The following SFPQ variants were observed in gnomAD, a reference collection of about 807,000 sequenced individuals.
SFPQ encodes the protein splicing factor, proline- and glutamine-rich.
SFPQ carries 11 observed loss-of-function variants against 72.9 expected under a neutral mutation model. That is an observed-to-expected ratio of 0.15 (90% CI 0.09 to 0.25). SFPQ has a LOEUF of 0.25. SFPQ is among the 10% of genes least tolerant of loss of function. The pLI, the probability that SFPQ is intolerant of heterozygous loss-of-function variation, is 1.00. For missense variants in SFPQ, 847 were observed against 993.3 expected (o/e 0.85, Z 1.98); for synonymous variants, 506 against 367.3 (o/e 1.38, Z -4.32).
chr1:35,181,003 T>C (rs937817972), downstream of SFPQ: 1 of 1,065,268 alleles, frequency 9.4e-7, no homozygotes, highest in Non-Finnish European at 1.1e-6. Context: ...ACAGTTTTGA[T>C]GTAAGCTAGC....
At chr1:35,179,560 C>A, downstream of SFPQ, 1 of 1,052,748 alleles carries the variant, frequency 9.5e-7, no homozygotes, top group South Asian at 4.6e-5. Flanking sequence ...TAATTCCCAG[C>A]TTTTTGAGTT....
rs1557804600 is a variant in SFPQ at position 35,189,007 on chromosome 1, A to G, written c.1693T>C (p.Leu565=). The change falls in exon 6 of 10, where the codon TTG becomes CTG. Residue 565 remains leucine (L), a synonymous_variant. Transcript: ENST00000357214. ...AAACCTTAAACACAATTTTACCTCA[A>G]TTGCATTTCTTTACGTTTCTGCATT... ...QEMQKRKEMQ[L]RQEEERRRRE... The G allele has an allele frequency of 6.2e-7, 1 of 1,609,706 alleles. No homozygotes were observed.
Position 35,187,097 on chromosome 1 carries a change from T to C in SFPQ, c.1890A>G (p.Lys630=). ...MGDPYGSGGQ[K]FPPLGGGGGI... Reference sequence around the variant, plus strand: ...CACCACCACCTCCTAGAGGTGGAAATTTCTGGCCTCCTGAACCATAGGGAT... The same window carrying C: ...CACCACCACCTCCTAGAGGTGGAAACTTCTGGCCTCCTGAACCATAGGGAT... Residue 630 remains lysine (K), a synonymous_variant, in exon 9 of 10, where the codon AAA becomes AAG. Coordinates refer to ENST00000357214, the MANE Select transcript of SFPQ (RefSeq NM_005066.3). 1.9e-6 allele frequency: 3 copies of C among 1,614,006 alleles called. No homozygotes were observed. The highest frequency in any genetic ancestry group is 2.5e-6 in the Non-Finnish European group (3 of 1,179,930).
At chr1:35,177,823 C>T (rs1639310274) in intron 4 of SFPQ, among the ~76,000 whole-genome samples, 1 of 152,150 alleles carries the variant, frequency 6.6e-6, no homozygotes, top group Admixed American at 6.5e-5. Context: ...ATGCCTCTCA[C>T]TTGCTTTCTC....
At chr1:35,180,682 C>T, downstream of SFPQ, 1 of 1,055,584 alleles carries the variant, frequency 9.5e-7, no homozygotes, top group Non-Finnish European at 1.1e-6. Context: ...TGTAGAATTA[C>T]CAAGATTGCA....
In SFPQ at chr1:35,193,063, G is replaced by A. The variant is rs900764118; in HGVS notation, c.-14C>T. On this transcript the variant is annotated 5_prime_UTR_variant, in exon 1 of 10. Coordinates refer to ENST00000357214, the MANE Select transcript of SFPQ (RefSeq NM_005066.3). ...ATCCCGAGACATGTCTGTGGTCAAG[G>A]GGCGGTCGAGGCAAAAGCGAAGAAG... 6.5e-7 allele frequency: 1 copy of A among 1,543,836 alleles called. No homozygotes were observed. The highest frequency in any genetic ancestry group is 8.7e-7 in the Non-Finnish European group (1 of 1,155,652).
chr1:35,180,638 AC>A (rs755830205), downstream of SFPQ: 8 of 1,052,594 alleles, frequency 7.6e-6, no homozygotes, highest in Non-Finnish European at 9.2e-6. Flanking sequence ...AAATCGCATT[AC>A]AAAAAAACCT....
downstream of SFPQ, chr1:35,179,862 G>C (rs570465562): frequency 3.1e-5 from 33 of 1,053,614 alleles, no homozygotes; most frequent in African/African-American, 5.3e-4. Context: ...ACTGGCCACC[G>C]ATTTAATGGA....
At chr1:35,184,839 G>A (rs559960662) in intron 9 of SFPQ, among the ~76,000 whole-genome samples, 1 of 152,300 alleles carries the variant, frequency 6.6e-6, no homozygotes, top group East Asian at 1.9e-4. Flanking sequence ...GATCTTCCCT[G>A]TAGTGCTAAA....
downstream of SFPQ, chr1:35,181,782 G>A (rs1639479288): frequency 2.0e-6 from 2 of 985,138 alleles, no homozygotes; most frequent in Non-Finnish European, 2.4e-6. Context: ...TCGACTTTTA[G>A]GAAACTATTA....
downstream of SFPQ, chr1:35,179,320 T>C: frequency 9.4e-7 from 1 of 1,058,780 alleles, no homozygotes; most frequent in Non-Finnish European, 1.1e-6. Flanking sequence ...AAAGTGAGAC[T>C]ATTATGCATT....
In SFPQ at chr1:35,192,471, G is replaced by A. The variant is rs1437533660; in HGVS notation, c.579C>T (p.Gly193=). The part of the protein sequence containing the change: ...GPPPPPAAVP[G]PGPGPKQGPG... ...GGCCCTGCTTAGGCCCTGGACCCGG[G>A]CCCGGGACTGCCGCGGGCGGAGGCG... The change falls in exon 1 of 10, where the codon GGC becomes GGT. Residue 193 remains glycine, a synonymous_variant. Coordinates refer to ENST00000357214, the MANE Select transcript of SFPQ (RefSeq NM_005066.3). The A allele has an allele frequency of 7.5e-7, 1 of 1,338,862 alleles. No individual in the cohort carries two copies. The highest frequency in any genetic ancestry group is 3.1e-5 in the East Asian group (1 of 32,116). The allele number at this position is 1,338,862 out of a possible 1,614,324, so 82.9% of individuals were successfully genotyped here. A position where few individuals can be genotyped will look rare whatever the true frequency, so the allele number is the denominator to read the frequency against.
Position 35,192,593 on chromosome 1 carries a change from G to T in SFPQ, c.457C>A (p.Pro153Thr). Residue 153 changes from proline to threonine, a missense_variant, in exon 1 of 10, where the codon CCG becomes ACG. Pro to Thr is a conservative substitution (Grantham distance 38). Around this residue, in one of 6 missense-constraint regions of SFPQ, gnomAD observed 498 missense variants for 405.1 expected, o/e 1.23. Coordinates refer to ENST00000357214, the MANE Select transcript of SFPQ (RefSeq NM_005066.3). ...PGSGPGPTPT[P>T]PPAVTSAPPG... ...GGGGCCGAGGTGACTGCAGGCGGCG[G>T]GGTCGGAGTCGGGCCTGGCCCGGAC... The T allele has an allele frequency of 7.5e-7, 1 of 1,340,018 alleles. No individual in the cohort carries two copies. The highest frequency in any genetic ancestry group is 1.9e-5 in the South Asian group (1 of 51,966). The allele number at this position is 1,340,018 out of a possible 1,614,324, so 83.0% of individuals were successfully genotyped here.
At chr1:35,178,273 A>G, downstream of SFPQ, 3 of 1,099,222 alleles carry the variant, frequency 2.7e-6, no homozygotes, top group Non-Finnish European at 3.3e-6. Flanking sequence ...TTAAAATGTA[A>G]AAGCCTGACT....
At chr1:35,189,415 T>C in intron 4 of SFPQ, 33 bp from the exon 5 acceptor site, 3 of 1,491,424 alleles carry the variant, frequency 2.0e-6, no homozygotes, top group African/African-American at 1.4e-5. Context: ...CATGAACCGA[T>C]TTGTGAATGC....
chr1:35,187,880 T>C, intron 7 of SFPQ, 93 bp downstream of exon 7: 7 of 742,044 alleles, frequency 9.4e-6, no homozygotes, highest in Non-Finnish European at 1.6e-5. Context: ...AGAAAATAAC[T>C]GTAATTTGAT....
At chr1:35,178,110 TC>T, downstream of SFPQ, 1 of 1,177,616 alleles carries the variant, frequency 8.5e-7, no homozygotes, top group African/African-American at 1.6e-5. Flanking sequence ...CTAGTCAACT[TC>T]AAAATTTAAA....
intron 9 of SFPQ, 87 bp from the exon 10 acceptor site, chr1:35,184,680 G>A (rs1639628934): frequency 7.0e-7 from 1 of 1,425,700 alleles, no homozygotes; most frequent in Middle Eastern, 1.9e-4. Context: ...CGTAGTCAAC[G>A]TTCGTCGATA....
At chr1:35,177,872 T>C (rs763861023) in intron 4 of SFPQ, 7 of 305,734 alleles carry the variant, frequency 2.3e-5, no homozygotes, top group Non-Finnish European at 3.1e-5. Context: ...TAAAGGGATA[T>C]TATCTTAGAA....
Sources: allele counts gnomAD v4.1 joint callset (sites outside exome capture counted in the v4.1 genomes callset), GRCh38; gene constraint gnomAD v4.1.1; regional missense constraint gnomAD v4.1.1; transcripts MANE v1.5; gene names NCBI Gene and HGNC (gene_info 2026-07-23, HGNC 2026-07-21).